The following RNF43 variants were observed in gnomAD, a reference collection of about 807,000 sequenced individuals.
The protein encoded by RNF43 is E3 ubiquitin-protein ligase RNF43.
A neutral mutation model predicts 78.4 loss-of-function variants in RNF43; 37 were observed. The ratio of observed to expected loss-of-function variants is 0.47; its 90% CI spans 0.36 to 0.62. The LOEUF is 0.62. Among genes scored for constraint, RNF43 ranks in the 20% least tolerant of loss-of-function variants. RNF43 has a pLI of 0.00. For synonymous variants in RNF43, 347 were observed against 395.0 expected (o/e 0.88, Z 1.44); for missense variants, 774 against 1,007.9 (o/e 0.77, Z 3.14).
At chr17:58,361,296 G>A (rs970916766) in intron 6 of RNF43, among the ~76,000 whole-genome samples, 8 of 152,066 alleles carry the variant, frequency 5.3e-5, no homozygotes, top group African/African-American at 9.7e-5. Flanking sequence ...TGTCTTCCCC[G>A]TCTTCCCCAT....
chr17:58,393,028 C>T (rs1282080982), intron 2 of RNF43, among the ~76,000 whole-genome samples: 1 of 152,220 alleles, frequency 6.6e-6, no homozygotes, highest in Non-Finnish European at 1.5e-5. Flanking sequence ...AGAACAACCC[C>T]TCATCTTCCT....
At chr17:58,413,156 C>G (rs960586478) in intron 2 of RNF43, among the ~76,000 whole-genome samples, 2 of 152,142 alleles carry the variant, frequency 1.3e-5, no homozygotes, top group African/African-American at 4.8e-5. Flanking sequence ...GCAGTGTAAT[C>G]TGATAAGGAA....
rs750471634 is a variant in RNF43 at position 58,354,730 on chromosome 17, G to A, written c.*213C>T. The A allele has an allele frequency of 5.1e-6, 3 of 593,836 alleles. No individual in the cohort carries two copies. Among genetic ancestry groups the A allele is most frequent in the Non-Finnish European group, 6.1e-6 (2 of 326,786 alleles). 36.8% of individuals were successfully genotyped at this position (593,836 alleles called of 1,614,324 possible). ...CTGGACATGGATTTGCTGCACTGCA[G>A]ATGTTTTCTGCAGACAAGGTCTGGA... is the stretch of plus-strand genomic sequence containing the variant. On this transcript the variant is annotated 3_prime_UTR_variant, in exon 10 of 10. Coordinates refer to ENST00000407977, the MANE Select transcript of RNF43 (RefSeq NM_017763.6).
At chr17:58,353,632 T>A (rs979098232), downstream of RNF43, 1 of 209,418 alleles carries the variant, frequency 4.8e-6, no homozygotes, top group Non-Finnish European at 9.7e-6. Context: ...GTTGTTACCC[T>A]GAGTGACAGT....
At chr17:58,403,010 G>A (rs1203484597) in intron 2 of RNF43, among the ~76,000 whole-genome samples, 1 of 151,918 alleles carries the variant, frequency 6.6e-6, no homozygotes, top group East Asian at 1.9e-4. Flanking sequence ...GGGGTGGGGG[G>A]GTAGGTTGTT....
chr17:58,377,564 A>G (rs1973229175), intron 2 of RNF43, among the ~76,000 whole-genome samples: 1 of 152,100 alleles, frequency 6.6e-6, no homozygotes, highest in South Asian at 2.1e-4. Flanking sequence ...CTGGGCCTGG[A>G]ACTTAATGCT....
intron 1 of RNF43, chr17:58,416,166 G>T (rs994343985): frequency 6.3e-6 from 1 of 159,754 alleles, no homozygotes; most frequent in African/African-American, 2.4e-5. Flanking sequence ...AAAATTTCAG[G>T]CCACACGTTG....
chr17:58,369,206 T>C (rs906780120), intron 3 of RNF43, among the ~76,000 whole-genome samples: 5 of 152,096 alleles, frequency 3.3e-5, no homozygotes, highest in African/African-American at 1.2e-4. Flanking sequence ...AAATGAAACA[T>C]CCAGAAGTAG....
At chr17:58,372,491 C>T (rs139557745) in intron 2 of RNF43, among the ~76,000 whole-genome samples, 202 of 152,300 alleles carry the variant, frequency 1.3e-3, no homozygotes, top group African/African-American at 4.5e-3. Context: ...GAAGCTGTAG[C>T]CCCTGTCTCA....
chr17:58,392,193 G>C lies in RNF43; in HGVS notation c.253-21160C>G, dbSNP rs1287951321. On this transcript the variant is annotated intron_variant, in intron 2 of 9. Transcript: ENST00000407977. ...TAAGGACAGGACAGAGCAGGATAGA[G>C]TAGGAAACTTCAAAAATAATAGTGG... 2.0e-5 allele frequency among the ~76,000 whole-genome samples: 3 copies of C among 152,332 alleles called. 1 individual carries two copies. In the East Asian group the frequency reaches 5.8e-4, roughly 29 times the overall value.
chr17:58,402,224 G>C (rs530651929), intron 2 of RNF43, among the ~76,000 whole-genome samples: 2 of 152,298 alleles, frequency 1.3e-5, no homozygotes, highest in African/African-American at 4.8e-5. Flanking sequence ...GGCACTGTTA[G>C]CTGTCACCAT....
intron 2 of RNF43, among the ~76,000 whole-genome samples, chr17:58,406,904 C>T (rs548136931): frequency 8.6e-5 from 13 of 151,316 alleles, no homozygotes; most frequent in African/African-American, 2.7e-4. Context: ...TATACTAGCA[C>T]GCACAAAAGT....
At chr17:58,371,854 C>T (rs1430241630) in intron 2 of RNF43, among the ~76,000 whole-genome samples, 1 of 152,238 alleles carries the variant, frequency 6.6e-6, no homozygotes, top group Non-Finnish European at 1.5e-5. Context: ...TGACAGAAAT[C>T]TGAGGCTCTC....
chr17:58,361,926 T>C (rs923942882), intron 6 of RNF43, among the ~76,000 whole-genome samples: 1 of 152,066 alleles, frequency 6.6e-6, no homozygotes, highest in African/African-American at 2.4e-5. Context: ...TTTTAAAAAT[T>C]AACCCTGTTA....
At position 58,358,016 on chromosome 17, in the gene RNF43, G is replaced by A. The variant is rs571903323; in HGVS notation, c.1760C>T (p.Pro587Leu). 6.3e-7 allele frequency: 1 copy of A among 1,595,866 alleles called. No individual in the cohort carries two copies. Among genetic ancestry groups the A allele is most frequent in the African/African-American group, 1.3e-5 (1 of 74,374 alleles). Residue 587 changes from proline (P) to leucine (L), a missense_variant, in exon 9 of 10, where the codon CCC becomes CTC. Coordinates refer to ENST00000407977, the MANE Select transcript of RNF43 (RefSeq NM_017763.6). The surrounding 1 kb of genome is among the most constrained non-coding windows in gnomAD (Gnocchi z 6.2). ...QSRPPIPRTQ[P>L]QPEPPSPDQQ... ...ATCAGGAGAAGGTGGCTCTGGCTGG[G>A]GCTGTGTCCGAGGAATAGGAGGCCT...
At position 58,360,263 on chromosome 17, in the gene RNF43, G is replaced by C. The variant is rs1210269700; in HGVS notation, c.850-12C>G. 1 of 1,607,852 alleles carries C rather than the reference G, an allele frequency of 6.2e-7. No homozygotes were observed. Among genetic ancestry groups the C allele is most frequent in the South Asian group, 1.1e-5 (1 of 90,966 alleles). On this transcript the variant is annotated splice_polypyrimidine_tract_variant and intron_variant, in intron 7 of 9. Coordinates refer to ENST00000407977, the MANE Select transcript of RNF43 (RefSeq NM_017763.6). The surrounding 1 kb of genome is among the most constrained non-coding windows in gnomAD (Gnocchi z 4.3). ...ATGACCCGTAGCTCCTGGAGAAAAA[G>C]AGGGGGTCCAAACCAAAGGCTTCTG...
intron 2 of RNF43, among the ~76,000 whole-genome samples, chr17:58,395,848 G>A (rs1177319103): frequency 2.6e-5 from 4 of 152,164 alleles, no homozygotes; most frequent in Non-Finnish European, 4.4e-5. Flanking sequence ...AATCACAGAT[G>A]CTGTGATTTC....
chr17:58,359,986 G>A (rs180924659), intron 8 of RNF43, among the ~76,000 whole-genome samples, 163 bp downstream of exon 8: 56 of 152,022 alleles, frequency 3.7e-4, no homozygotes, highest in Non-Finnish European at 6.3e-4. Context: ...TTTGAATGAC[G>A]CTTCCCCTCG....
At chr17:58,412,019 C>T (rs966680557) in intron 2 of RNF43, among the ~76,000 whole-genome samples, 3 of 152,024 alleles carry the variant, frequency 2.0e-5, no homozygotes, top group Admixed American at 6.6e-5. Flanking sequence ...TATCAGTCAC[C>T]GCCAGGTAAT....
Sources: allele counts gnomAD v4.1 joint callset (sites outside exome capture counted in the v4.1 genomes callset), GRCh38; gene constraint gnomAD v4.1.1; non-coding constraint Gnocchi (gnomAD v3.1); transcripts MANE v1.5; gene names NCBI Gene and HGNC (gene_info 2026-07-23, HGNC 2026-07-21).